Variants in PCDHA4 observed in about 807,000 individuals in gnomAD.
PCDHA4 encodes the protein protocadherin alpha 4.
In PCDHA4, 49 loss-of-function variants were observed where a neutral mutation model predicts 61.4. The observed-to-expected ratio is 0.80, with a 90% CI of 0.63 to 1.01. The LOEUF (loss-of-function observed/expected upper bound fraction) is 1.01. Ranked by LOEUF, PCDHA4 falls within the 50% of genes least tolerant of loss-of-function variation. The pLI, the probability that PCDHA4 is intolerant of heterozygous loss-of-function variation, is 0.00. For synonymous variants in PCDHA4, 590 were observed against 550.3 expected, an observed-to-expected ratio of 1.07 and a Z score of -1.01; for missense variants, 1,254 against 1,235.8, an observed-to-expected ratio of 1.01 and a Z score of -0.22.
intron 1 of PCDHA4, chr5:140,968,442 T>G (rs1245424149): frequency 3.1e-6 from 5 of 1,613,950 alleles, no homozygotes; most frequent in Non-Finnish European, 4.2e-6. Context: ...AGCCCACCAC[T>G]GAGCAGCACT....
chr5:140,821,661 C>A, intron 1 of PCDHA4: 1 of 1,207,804 alleles, frequency 8.3e-7, no homozygotes, highest in Non-Finnish European at 1.2e-6. Flanking sequence ...TTTGGCTGTG[C>A]CAAGAAGCTC....
intron 1 of PCDHA4, chr5:140,850,718 TTCTAGCGCGGTGGGGAGTTGGTCGTAC>T (rs2041783529): frequency 1.3e-6 from 2 of 1,597,556 alleles, no homozygotes; most frequent in African/African-American, 2.7e-5. Flanking sequence ...CGCTGGTGTG[TTCTAGCGCGGTGGGGAGTTGGTCGTAC>T]TCGCAGCAGA....
intron 1 of PCDHA4, chr5:140,823,038 G>A (rs2150121584): frequency 1.9e-6 from 3 of 1,614,120 alleles, no homozygotes; most frequent in African/African-American, 1.3e-5. Context: ...CGGTCTATGA[G>A]CTGGTGGTGA....
In PCDHA4 at chr5:140,857,008, T is replaced by C. The variant is rs2044317901; in HGVS notation, c.2385+47436T>C. On this transcript the variant is annotated intron_variant, in intron 1 of 3. Transcript: ENST00000530339. The stretch of plus-strand genomic sequence containing the variant: ...GTAACACTTATGAAATTCATGTAGA[T>C]GTTACAGATAAGGGAAACCCACCTA... 4 of 1,595,746 alleles carry C rather than the reference T, an allele frequency of 2.5e-6. 1 individual carries two copies. Among genetic ancestry groups the C allele is most frequent in the Non-Finnish European group, 3.4e-6 (4 of 1,165,590 alleles).
At chr5:140,850,132 G>A (rs2150469208) in intron 1 of PCDHA4, 1 of 1,595,756 alleles carries the variant, frequency 6.3e-7, no homozygotes, top group East Asian at 2.2e-5. Flanking sequence ...CCGCCTCTGG[G>A]CAGCAACGTG....
At chr5:140,966,755 C>A in intron 1 of PCDHA4, 1 of 1,434,520 alleles carries the variant, frequency 7.0e-7, no homozygotes, top group South Asian at 1.5e-5. Context: ...GCCTCCGCCG[C>A]GGCCAGTGGC....
At chr5:140,970,366 A>G (rs1438755786) in intron 1 of PCDHA4, among the ~76,000 whole-genome samples, 2 of 152,196 alleles carry the variant, frequency 1.3e-5, no homozygotes, top group Admixed American at 1.3e-4. Context: ...TTGATTTGCT[A>G]TAGCTTCAAA....
intron 1 of PCDHA4, chr5:140,814,292 A>G (rs960626106): frequency 6.6e-6 from 1 of 152,238 alleles, no homozygotes; most frequent in South Asian, 2.0e-4. Flanking sequence ...GGTCAGGATC[A>G]TCAATATCAT....
intron 1 of PCDHA4, among the ~76,000 whole-genome samples, chr5:140,917,244 C>T (rs891511496): frequency 1.9e-4 from 29 of 149,864 alleles, no homozygotes; most frequent in Non-Finnish European, 3.0e-4. Flanking sequence ...CTAGGTACTA[C>T]GATTGCTCAC....
chr5:140,870,932 T>C (rs1428252254), intron 1 of PCDHA4: 1 of 1,613,824 alleles, frequency 6.2e-7, no homozygotes, highest in South Asian at 1.1e-5. Context: ...TCATATGAAT[T>C]GCAGCCGGCG....
intron 1 of PCDHA4, among the ~76,000 whole-genome samples, chr5:140,873,969 A>T (rs1438036244): frequency 6.6e-6 from 1 of 152,224 alleles, no homozygotes; most frequent in Non-Finnish European, 1.5e-5. Context: ...CCTATTTTTT[A>T]AAATTAAAGT....
At position 140,843,977 on chromosome 5, in the gene PCDHA4, C is replaced by A. The variant is rs1357233460; in HGVS notation, c.2385+34405C>A. Reference sequence around the variant, plus strand: ...TTTACTGAATATTTATTTTGGCCTGCCTTACAGCCGTCTTCTCTGAACAAT... The same window carrying A: ...TTTACTGAATATTTATTTTGGCCTGACTTACAGCCGTCTTCTCTGAACAAT... On this transcript the variant is annotated intron_variant, in intron 1 of 3. Transcript: ENST00000530339. Among the ~76,000 whole-genome samples the A allele has an allele frequency of 1.3e-5, 2 of 149,352 alleles. 1 individual carries two copies.
At chr5:140,821,746 T>G in intron 1 of PCDHA4, 1 of 1,569,278 alleles carries the variant, frequency 6.4e-7, no homozygotes. Context: ...GGTGATGCAA[T>G]AGAAAGCTCA....
At chr5:141,004,976 A>G (rs1554259837) in intron 3 of PCDHA4, among the ~76,000 whole-genome samples, 1 of 152,248 alleles carries the variant, frequency 6.6e-6, no homozygotes, top group Non-Finnish European at 1.5e-5. Flanking sequence ...GTAAATTTGC[A>G]GTATCATTAT....
chr5:140,829,648 G>T, intron 1 of PCDHA4: 1 of 1,612,362 alleles, frequency 6.2e-7, no homozygotes. Context: ...AGGTGTACGC[G>T]CTGCAGCCGC....
chr5:140,992,845 C>T (rs2097530741), intron 3 of PCDHA4, among the ~76,000 whole-genome samples: 1 of 152,148 alleles, frequency 6.6e-6, no homozygotes, highest in African/African-American at 2.4e-5. Context: ...TTTTGTATAA[C>T]AACCAGTTTC....
chr5:140,924,096 T>C (rs1044149112), intron 1 of PCDHA4, among the ~76,000 whole-genome samples: 1 of 152,222 alleles, frequency 6.6e-6, no homozygotes, highest in Non-Finnish European at 1.5e-5. Context: ...AAAGAATAAA[T>C]TTTCATTCCA....
chr5:140,857,437 G>A (rs1554150030), intron 1 of PCDHA4: 2 of 1,598,552 alleles, frequency 1.3e-6, no homozygotes, highest in East Asian at 4.5e-5. Context: ...CGGTGTTCGT[G>A]AAGGAGAACA....
intron 1 of PCDHA4, chr5:140,929,083 A>G (rs1554206659): frequency 1.2e-6 from 2 of 1,614,156 alleles, no homozygotes; most frequent in Admixed American, 3.3e-5. Context: ...TGGAAGTAAG[A>G]TGGTTTCAAA....
Sources: allele counts gnomAD v4.1 joint callset (sites outside exome capture counted in the v4.1 genomes callset), GRCh38; gene constraint gnomAD v4.1.1; transcripts MANE v1.5; gene names NCBI Gene and HGNC (gene_info 2026-07-23, HGNC 2026-07-21).